The following L3MBTL4 variants were observed in gnomAD, a reference collection of about 807,000 sequenced individuals.
L3MBTL4 encodes lethal(3)malignant brain tumor-like protein 4.
L3MBTL4 carries 70 observed loss-of-function variants against 84.5 expected under a neutral mutation model. The observed-to-expected ratio is 0.83, with a 90% CI of 0.68 to 1.01. L3MBTL4 has a LOEUF of 1.01. Among genes scored for constraint, L3MBTL4 ranks in the 50% least tolerant of loss-of-function variants. The pLI, the probability that L3MBTL4 is intolerant of heterozygous loss-of-function variation, is 0.00. For synonymous variants in L3MBTL4, 274 were observed against 259.8 expected (o/e 1.05, Z -0.52); for missense variants, 715 against 754.8 (o/e 0.95, Z 0.62).
At chr18:6,297,314 A>G (rs1399177313) in intron 4 of L3MBTL4, among the ~76,000 whole-genome samples, 1 of 152,194 alleles carries the variant, frequency 6.6e-6, no homozygotes, top group African/African-American at 2.4e-5. Context: ...CTAAATACCA[A>G]GTGATATTCT....
chr18:5,982,959 G>A (rs1005832299), intron 16 of L3MBTL4, among the ~76,000 whole-genome samples: 4 of 152,168 alleles, frequency 2.6e-5, no homozygotes, highest in African/African-American at 4.8e-5. Flanking sequence ...AGTAACAACC[G>A]AGGGGCAATT....
chr18:6,239,031 A>T (rs1375435739), intron 9 of L3MBTL4, among the ~76,000 whole-genome samples: 1 of 152,098 alleles, frequency 6.6e-6, no homozygotes, highest in Non-Finnish European at 1.5e-5. Context: ...ATTGTCCCAG[A>T]ATCTTTCCTT....
At chr18:6,143,918 C>T (rs1265237078) in intron 13 of L3MBTL4, among the ~76,000 whole-genome samples, 2 of 152,126 alleles carry the variant, frequency 1.3e-5, no homozygotes, top group Non-Finnish European at 2.9e-5. Context: ...ACAGCAACGG[C>T]TGGGCGCGGT....
At chr18:6,412,380 A>T (rs1342343565) in intron 1 of L3MBTL4, among the ~76,000 whole-genome samples, 1 of 152,168 alleles carries the variant, frequency 6.6e-6, no homozygotes, top group East Asian at 1.9e-4. Flanking sequence ...TAACTGAAAG[A>T]ATGAACACTT....
chr18:6,077,641 G>A (rs979749927), intron 16 of L3MBTL4, among the ~76,000 whole-genome samples: 5 of 151,558 alleles, frequency 3.3e-5, no homozygotes, highest in African/African-American at 1.2e-4. Context: ...ATACATGTGT[G>A]TATACAATTT....
At chr18:6,118,357 A>C (rs2059423117) in intron 14 of L3MBTL4, among the ~76,000 whole-genome samples, 1 of 152,100 alleles carries the variant, frequency 6.6e-6, no homozygotes, top group African/African-American at 2.4e-5. Flanking sequence ...ACTTTTCTGG[A>C]AATTCCTCAA....
intron 12 of L3MBTL4, among the ~76,000 whole-genome samples, chr18:6,182,178 TA>T (rs2044504129): frequency 6.6e-6 from 1 of 152,216 alleles, no homozygotes; most frequent in Non-Finnish European, 1.5e-5. Context: ...TTTGACTTTT[TA>T]ATAATAGCCA....
intron 16 of L3MBTL4, among the ~76,000 whole-genome samples, chr18:6,079,601 T>G (rs2057999226): frequency 6.6e-6 from 1 of 152,200 alleles, no homozygotes. Context: ...ATTACTACAT[T>G]TATGATATGA....
chr18:6,134,847 G>T (rs2059984533), intron 14 of L3MBTL4, among the ~76,000 whole-genome samples: 1 of 152,176 alleles, frequency 6.6e-6, no homozygotes, highest in Non-Finnish European at 1.5e-5. Flanking sequence ...CCATTCTGGG[G>T]TCTGGAGGAC....
intron 16 of L3MBTL4, among the ~76,000 whole-genome samples, chr18:6,073,602 C>T (rs889608646): frequency 2.0e-5 from 3 of 152,104 alleles, no homozygotes; most frequent in African/African-American, 7.2e-5. Context: ...CTCCTGTGAA[C>T]ATATTTGAAA....
chr18:6,082,205 G>A (rs1193503546), intron 15 of L3MBTL4, among the ~76,000 whole-genome samples: 6 of 151,980 alleles, frequency 3.9e-5, no homozygotes, highest in Non-Finnish European at 7.4e-5. Flanking sequence ...GTGTAAAAAC[G>A]CTTATGCATC....
At chr18:6,107,769 C>G (rs2144016968) in intron 14 of L3MBTL4, among the ~76,000 whole-genome samples, 1 of 152,236 alleles carries the variant, frequency 6.6e-6, no homozygotes, top group South Asian at 2.1e-4. Flanking sequence ...TTTTGGGGCA[C>G]CACCAGCAGA....
At chr18:6,166,894 T>G (rs1489695776) in intron 13 of L3MBTL4, among the ~76,000 whole-genome samples, 3 of 152,112 alleles carry the variant, frequency 2.0e-5, no homozygotes, top group Non-Finnish European at 4.4e-5. Context: ...AGGAGCTGGA[T>G]TTTTGAAAAG....
chr18:6,101,486 A>G (rs899636920), intron 14 of L3MBTL4, among the ~76,000 whole-genome samples: 15 of 152,192 alleles, frequency 9.9e-5, no homozygotes, highest in Admixed American at 3.9e-4. Context: ...CCCTCTCCCT[A>G]CTTCTCTTTC....
At chr18:6,192,177 C>G (rs1328778800) in intron 12 of L3MBTL4, among the ~76,000 whole-genome samples, 3 of 152,132 alleles carry the variant, frequency 2.0e-5, no homozygotes, top group Admixed American at 2.0e-4. Flanking sequence ...GAGGTATAGA[C>G]AGCTCTTTCA....
intron 16 of L3MBTL4, chr18:6,031,802 AG>A (rs2055814271): frequency 5.2e-6 from 5 of 959,136 alleles, no homozygotes; most frequent in Non-Finnish European, 6.1e-6. Context: ...AAGGCAAATC[AG>A]ATTCATGGTT....
At chr18:6,044,272 A>C (rs907257825) in intron 16 of L3MBTL4, among the ~76,000 whole-genome samples, 1 of 152,254 alleles carries the variant, frequency 6.6e-6, no homozygotes, top group Non-Finnish European at 1.5e-5. Context: ...ATTGATATAC[A>C]GCACTAGTTC....
chr18:6,303,302 G>T (rs1312892644), intron 3 of L3MBTL4, among the ~76,000 whole-genome samples: 1 of 151,960 alleles, frequency 6.6e-6, no homozygotes, highest in Admixed American at 6.6e-5. Flanking sequence ...TGTATTTTTA[G>T]TAATGATGGG....
At chr18:5,980,160 T>C (rs1389689289) in intron 16 of L3MBTL4, among the ~76,000 whole-genome samples, 2 of 152,226 alleles carry the variant, frequency 1.3e-5, no homozygotes, top group African/African-American at 4.8e-5. Flanking sequence ...TCAGTCTGCG[T>C]TGTGGGGTGC....
Sources: allele counts gnomAD v4.1 joint callset (sites outside exome capture counted in the v4.1 genomes callset), GRCh38; gene constraint gnomAD v4.1.1; transcripts MANE v1.5; gene names NCBI Gene and HGNC (gene_info 2026-07-23, HGNC 2026-07-21).